AFF3: variants seen among roughly 807,000 people sequenced by gnomAD.
AFF3 encodes AF4/FMR2 family member 3.
Under a neutral mutation model 129.7 loss-of-function variants are expected in AFF3, and 32 were observed. The observed-to-expected ratio is 0.25, with a 90% CI of 0.19 to 0.33. The LOEUF is 0.33. AFF3 is among the 10% of genes least tolerant of loss of function. AFF3 has a pLI of 1.00. For missense variants in AFF3, 1,373 were observed against 1,592.0 expected (o/e 0.86, Z 2.34); for synonymous variants, 644 against 635.4 (o/e 1.01, Z -0.20).
At chr2:100,080,397 T>C (rs1201112758) in intron 4 of AFF3, among the ~76,000 whole-genome samples, 1 of 152,168 alleles carries the variant, frequency 6.6e-6, no homozygotes, top group African/African-American at 2.4e-5. Flanking sequence ...GATTTTCTTT[T>C]TCCTTACATT....
At chr2:99,889,479 C>T (rs555763413) in intron 7 of AFF3, among the ~76,000 whole-genome samples, 1 of 152,228 alleles carries the variant, frequency 6.6e-6, no homozygotes, top group South Asian at 2.1e-4. Flanking sequence ...CTCACTATGA[C>T]AGATTTATAT....
intron 4 of AFF3, among the ~76,000 whole-genome samples, chr2:100,035,903 CTG>C (rs919263470): frequency 1.3e-5 from 2 of 152,050 alleles, no homozygotes; most frequent in African/African-American, 4.8e-5. Flanking sequence ...ATCATAAAGT[CTG>C]TTACAATAGT....
At chr2:100,020,563 A>AG (rs1032120225) in intron 4 of AFF3, among the ~76,000 whole-genome samples, 21 of 152,132 alleles carry the variant, frequency 1.4e-4, no homozygotes, top group Non-Finnish European at 2.1e-4. Context: ...CCCCAACCCC[A>AG]GCCTCTACTT....
intron 13 of AFF3, among the ~76,000 whole-genome samples, chr2:99,646,491 G>A (rs1684705738): frequency 6.6e-6 from 1 of 151,830 alleles, no homozygotes; most frequent in Non-Finnish European, 1.5e-5. Context: ...ATAAAGAGGT[G>A]ATAACAGGCT....
In AFF3 at chr2:100,082,975, G is replaced by A. The variant is rs529480115; in HGVS notation, c.53+21427C>T. Among the ~76,000 whole-genome samples the A allele has an allele frequency of 5.9e-5, 9 of 152,222 alleles. No homozygotes were observed. The East Asian group carries it at 1.7e-3, about 29-fold the overall frequency. On this transcript the variant is annotated intron_variant, in intron 4 of 24. Coordinates refer to ENST00000672756, the MANE Select transcript of AFF3 (RefSeq NM_001386135.1). ...CATCCCTGTAATCCCAGCTACTCAGGAGGCTAAGGCAGGAGAATCACTTGA... is the reference window on the plus strand; with the variant it reads ...CATCCCTGTAATCCCAGCTACTCAGAAGGCTAAGGCAGGAGAATCACTTGA...
At chr2:99,560,977 T>C (rs949024901) in intron 20 of AFF3, among the ~76,000 whole-genome samples, 6 of 152,260 alleles carry the variant, frequency 3.9e-5, no homozygotes, top group Non-Finnish European at 7.3e-5. Flanking sequence ...GTGGCTTTTA[T>C]GGACTGCACT....
chr2:99,724,080 A>C (rs1679142677), intron 11 of AFF3, among the ~76,000 whole-genome samples: 2 of 152,050 alleles, frequency 1.3e-5, no homozygotes, highest in South Asian at 2.1e-4. Flanking sequence ...ACTTGCTGGT[A>C]CTTTGCTCTG....
chr2:99,818,660 T>C (rs1687421886), intron 8 of AFF3, among the ~76,000 whole-genome samples: 1 of 152,204 alleles, frequency 6.6e-6, no homozygotes, highest in African/African-American at 2.4e-5. Context: ...CATTTGTCAA[T>C]AAATGAGATA....
chr2:100,104,825 G>GCCGCCGCT, intron 3 of AFF3: 1 of 453,726 alleles, frequency 2.2e-6, no homozygotes, highest in South Asian at 9.6e-5. Context: ...CCGCCGCCGC[G>GCCGCCGCT]GTGCTCTGCG....
At chr2:99,618,335 A>G (rs543890576) in intron 13 of AFF3, among the ~76,000 whole-genome samples, 1 of 138,366 alleles carries the variant, frequency 7.2e-6, no homozygotes, top group African/African-American at 2.8e-5. Context: ...TCCTGGGTTC[A>G]TATGATTCTC....
rs78797329 is a variant in AFF3, at chr2:99,782,913, C to G, written c.922-30612G>C. 1.0e-3 allele frequency among the ~76,000 whole-genome samples: 158 copies of G among 152,300 alleles called. 1 individual carries two copies. The East Asian group carries it at 0.028, about 27-fold the overall frequency. Reference sequence around the variant, plus strand: ...TGTTTTCTCAAGCACAAATATTTTCCAAACAAATAGTTTTAAACATCCAAA... The same window carrying G: ...TGTTTTCTCAAGCACAAATATTTTCGAAACAAATAGTTTTAAACATCCAAA... On this transcript the variant is annotated intron_variant, in intron 8 of 24. Transcript: ENST00000672756.
At chr2:100,041,526 C>T (rs1020099244) in intron 4 of AFF3, among the ~76,000 whole-genome samples, 1 of 151,938 alleles carries the variant, frequency 6.6e-6, no homozygotes, top group South Asian at 2.1e-4. Context: ...CCCCCACGTG[C>T]CCCCAAATCA....
intron 7 of AFF3, among the ~76,000 whole-genome samples, chr2:99,907,966 T>C (rs1186803955): frequency 6.6e-6 from 1 of 152,224 alleles, no homozygotes. Flanking sequence ...AGTACTGGCC[T>C]ATGACCATGG....
chr2:100,032,873 A>AATTATT (rs1684617072), intron 4 of AFF3, among the ~76,000 whole-genome samples: 1 of 152,198 alleles, frequency 6.6e-6, no homozygotes, highest in South Asian at 2.1e-4. Context: ...TAATAAGAAA[A>AATTATT]ATTATTTATT....
chr2:99,826,483 T>C (rs996557728), intron 8 of AFF3, among the ~76,000 whole-genome samples: 1 of 152,152 alleles, frequency 6.6e-6, no homozygotes, highest in African/African-American at 2.4e-5. Context: ...AACTCAGACT[T>C]TGGGAATCAC....
chr2:100,090,827 C>T (rs1689796788), intron 4 of AFF3, among the ~76,000 whole-genome samples: 1 of 152,188 alleles, frequency 6.6e-6, no homozygotes. Context: ...CAGGCGTCCA[C>T]CACCACGCCT....
chr2:99,551,528 G>C lies in AFF3; in HGVS notation c.3627C>G (p.Val1209=). The C allele has an allele frequency of 1.2e-6, 2 of 1,614,148 alleles. No individual in the cohort carries two copies. The highest frequency in any genetic ancestry group is 1.7e-6 in the Non-Finnish European group (2 of 1,180,036). Residue 1209 remains valine (V), a synonymous_variant, in exon 25 of 25, where the codon GTC becomes GTG. Transcript: ENST00000672756. ...VTLHSSMEHL[V]QYSQQGLHWL... ...AGTGCAGGCCCTGTTGGGAGTACTG[G>C]ACCAGGTGCTCCATGCTGCTGTGCA...
intron 4 of AFF3, among the ~76,000 whole-genome samples, chr2:100,063,066 C>CA (rs1439230435): frequency 2.0e-5 from 3 of 152,058 alleles, no homozygotes; most frequent in African/African-American, 7.2e-5. Flanking sequence ...GCCTGGCCAA[C>CA]ATGGTGAAAC....
At chr2:99,808,986 G>A (rs7609179) in intron 8 of AFF3, among the ~76,000 whole-genome samples, 25,050 of 152,198 alleles carry the variant, frequency 0.16, 2,210 homozygotes, top group Admixed American at 0.24. Flanking sequence ...TGCAAGCACA[G>A]GAGTTCGTTC....
Sources: allele counts gnomAD v4.1 joint callset (sites outside exome capture counted in the v4.1 genomes callset), GRCh38; gene constraint gnomAD v4.1.1; transcripts MANE v1.5; gene names NCBI Gene and HGNC (gene_info 2026-07-23, HGNC 2026-07-21).